Variants in MEF2A observed in about 807,000 individuals in gnomAD.
MEF2A encodes the protein myocyte-specific enhancer factor 2A.
A neutral mutation model predicts 55.8 loss-of-function variants in MEF2A; 28 were observed. The observed-to-expected ratio is 0.50, with a 90% confidence interval of 0.37 to 0.69. MEF2A has a LOEUF of 0.69. MEF2A is among the 30% of genes least tolerant of loss of function. The pLI is 0.00. For synonymous variants in MEF2A, 239 were observed against 227.1 expected (o/e 1.05, Z -0.47); for missense variants, 528 against 626.2 (o/e 0.84, Z 1.67).
intron 1 of MEF2A, among the ~76,000 whole-genome samples, chr15:99,592,775 G>A (rs1969780622): frequency 6.6e-6 from 1 of 152,046 alleles, no homozygotes. Flanking sequence ...CAAGAGGAGG[G>A]CACCAAGTCG....
At chr15:99,647,847 G>A (rs968988947) in intron 4 of MEF2A, among the ~76,000 whole-genome samples, 1 of 152,054 alleles carries the variant, frequency 6.6e-6, no homozygotes, top group East Asian at 1.9e-4. Flanking sequence ...AATTTATTGT[G>A]GTAGGATAAA....
At chr15:99,582,969 T>G (rs1455638401) in intron 1 of MEF2A, among the ~76,000 whole-genome samples, 2 of 152,134 alleles carry the variant, frequency 1.3e-5, no homozygotes, top group Non-Finnish European at 2.9e-5. Context: ...AGAAGGGATA[T>G]CATAGTGTAA....
At chr15:99,589,591 T>C (rs1968564638) in intron 1 of MEF2A, among the ~76,000 whole-genome samples, 1 of 152,162 alleles carries the variant, frequency 6.6e-6, no homozygotes, top group Non-Finnish European at 1.5e-5. Flanking sequence ...TTTGGAACGC[T>C]GTTAAACCAT....
chr15:99,704,053 T>G (rs2057741857), intron 9 of MEF2A, among the ~76,000 whole-genome samples: 1 of 152,222 alleles, frequency 6.6e-6, no homozygotes, highest in Admixed American at 6.5e-5. Flanking sequence ...TATTTCTTCT[T>G]TAGGAACTAA....
intron 1 of MEF2A, among the ~76,000 whole-genome samples, chr15:99,578,064 G>T (rs1409117492): frequency 2.0e-5 from 3 of 152,060 alleles, no homozygotes; most frequent in Admixed American, 2.0e-4. Context: ...AAATATTTTG[G>T]GGGAGATACT....
At chr15:99,695,132 T>G (rs1040881676) in intron 8 of MEF2A, among the ~76,000 whole-genome samples, 20 of 152,268 alleles carry the variant, frequency 1.3e-4, no homozygotes, top group South Asian at 1.2e-3. Flanking sequence ...GAAACCAAGA[T>G]CCGAGTGCTT....
intron 2 of MEF2A, among the ~76,000 whole-genome samples, chr15:99,603,543 T>TTGTGTGTG (rs1300288383): frequency 0.15 from 19,516 of 126,302 alleles, 1,581 homozygotes; most frequent in East Asian, 0.33. Flanking sequence ...CTGGCTGATT[T>TTGTGTGTG]TGTGTGTGTG....
chr15:99,688,452 C>T (rs1349247266), intron 7 of MEF2A, among the ~76,000 whole-genome samples: 1 of 152,178 alleles, frequency 6.6e-6, no homozygotes, highest in Non-Finnish European at 1.5e-5. Context: ...TCTTCTGAGT[C>T]TCAAAATGAC....
At chr15:99,675,710 G>T (rs767336861) in intron 7 of MEF2A, among the ~76,000 whole-genome samples, 32 of 152,148 alleles carry the variant, frequency 2.1e-4, no homozygotes, top group Non-Finnish European at 4.4e-4. Context: ...GAAATGGTGG[G>T]TCTATCTACT....
intron 3 of MEF2A, among the ~76,000 whole-genome samples, chr15:99,643,983 AT>A (rs1255726401): frequency 6.6e-6 from 1 of 152,250 alleles, no homozygotes; most frequent in East Asian, 1.9e-4. Flanking sequence ...GTAAATATGT[AT>A]CATGAACAGA....
chr15:99,593,911 T>G (rs1343701198), intron 1 of MEF2A, among the ~76,000 whole-genome samples: 2 of 152,204 alleles, frequency 1.3e-5, no homozygotes, highest in Non-Finnish European at 2.9e-5. Flanking sequence ...AATCACCTAT[T>G]TGAGATAGGT....
chr15:99,633,642 A>G (rs1353559264), intron 3 of MEF2A, among the ~76,000 whole-genome samples: 1 of 152,158 alleles, frequency 6.6e-6, no homozygotes, highest in Non-Finnish European at 1.5e-5. Context: ...CTTATTGCAA[A>G]TATTTTTAAA....
rs144810499 is a variant in MEF2A at position 99,701,005 on chromosome 15, A to G, written c.859-2357A>G. ...GAGAGTAAATCAGCATTAGAACACC[A>G]CAGTACAATGGTAATTGTTGCAGGC... On this transcript the variant is annotated intron_variant, in intron 8 of 11. Transcript: ENST00000557942. Among the ~76,000 whole-genome samples the G allele has an allele frequency of 3.0e-3, 455 of 152,364 alleles. 4 individuals carry two copies. The highest frequency in any genetic ancestry group is 0.01 in the African/African-American group (424 of 41,586).
chr15:99,567,152 C>T (rs1182590616), intron 1 of MEF2A, among the ~76,000 whole-genome samples: 3 of 152,244 alleles, frequency 2.0e-5, no homozygotes, highest in Non-Finnish European at 4.4e-5. Context: ...CAGCAGGGAA[C>T]CGTGTGTAGC....
At chr15:99,586,937 C>T (rs768054955) in intron 1 of MEF2A, among the ~76,000 whole-genome samples, 2 of 151,972 alleles carry the variant, frequency 1.3e-5, no homozygotes, top group South Asian at 2.1e-4. Context: ...ATCAAATGAC[C>T]GTATTTGTGT....
At position 99,712,587 on chromosome 15, in the gene MEF2A, G is replaced by A. The variant is rs769355862; in HGVS notation, c.1334G>A (p.Arg445Gln). The change falls in exon 12 of 12, where the codon CGA becomes CAA. Residue 445 changes from arginine to glutamine, a missense_variant. By Grantham distance (43) the Arg-to-Gln change is conservative. Coordinates refer to ENST00000557942, the MANE Select transcript of MEF2A (RefSeq NM_001319206.4). The surrounding 1 kb of genome is among the most constrained non-coding windows in gnomAD (Gnocchi z 4.1). The part of the protein sequence containing the change: ...PQPQPPQPQP[R>Q]QEMGRSPVDS... Reference sequence around the variant, plus strand: ...CCACAACCCCCGCAGCCCCAGCCCCGACAGGAAATGGGGCGCTCCCCTGTG... The same window carrying A: ...CCACAACCCCCGCAGCCCCAGCCCCAACAGGAAATGGGGCGCTCCCCTGTG... The A allele has an allele frequency of 1.8e-5, 28 of 1,542,614 alleles. No homozygotes were observed. In the Middle Eastern group the frequency reaches 5.0e-4, roughly 28 times the overall value.
At chr15:99,664,501 T>C (rs1172413198) in intron 4 of MEF2A, among the ~76,000 whole-genome samples, 1 of 152,032 alleles carries the variant, frequency 6.6e-6, no homozygotes, top group East Asian at 1.9e-4. Flanking sequence ...TTCAAAATGA[T>C]ATTGAGGGGA....
At chr15:99,687,421 A>G (rs544207448) in intron 7 of MEF2A, among the ~76,000 whole-genome samples, 12 of 152,126 alleles carry the variant, frequency 7.9e-5, no homozygotes, top group African/African-American at 2.7e-4. Context: ...TGAATTCTGA[A>G]GTTTTCTTTT....
intron 1 of MEF2A, among the ~76,000 whole-genome samples, chr15:99,594,845 T>C (rs563033845): frequency 6.6e-6 from 1 of 152,246 alleles, no homozygotes; most frequent in Non-Finnish European, 1.5e-5. Context: ...TATGAAATTA[T>C]CAGTAATTGT....
Sources: allele counts gnomAD v4.1 joint callset (sites outside exome capture counted in the v4.1 genomes callset), GRCh38; gene constraint gnomAD v4.1.1; non-coding constraint Gnocchi (gnomAD v3.1); transcripts MANE v1.5; gene names NCBI Gene and HGNC (gene_info 2026-07-23, HGNC 2026-07-21).